SMG9: variants seen among roughly 807,000 people sequenced by gnomAD.
The protein encoded by SMG9 is SMG9 nonsense mediated mRNA decay factor, also known as nonsense-mediated mRNA decay factor SMG9.
SMG9 carries 55 observed loss-of-function variants against 64.0 expected under a neutral mutation model. That is an observed-to-expected ratio of 0.86 (90% CI 0.69 to 1.08). The LOEUF is 1.08. Among genes scored for constraint, SMG9 ranks in the 50% least tolerant of loss-of-function variants. SMG9 has a pLI of 0.00. For missense variants in SMG9, 554 were observed against 681.3 expected (o/e 0.81, Z 2.08); for synonymous variants, 244 against 254.8 (o/e 0.96, Z 0.41).
intron 5 of SMG9, among the ~76,000 whole-genome samples, chr19:43,747,207 G>T (rs1969040835): frequency 6.6e-6 from 1 of 152,202 alleles, no homozygotes; most frequent in Non-Finnish European, 1.5e-5. Flanking sequence ...TGGGGTGGTA[G>T]TGAGAGTACT....
intron 6 of SMG9, among the ~76,000 whole-genome samples, chr19:43,744,391 A>C (rs558344817): frequency 1.3e-5 from 2 of 152,338 alleles, no homozygotes; most frequent in African/African-American, 4.8e-5. Flanking sequence ...TTCTCCAAAA[A>C]TCTACCTGGA....
At position 43,731,428 on chromosome 19, in the gene SMG9, T is replaced by TG. The variant is rs1413506723; in HGVS notation, c.*167dup. 2.1e-6 allele frequency: 3 copies of TG among 1,432,112 alleles called. No individual in the cohort carries two copies. The highest frequency in any genetic ancestry group is 2.6e-5 in the East Asian group (1 of 38,486). 88.7% of individuals were successfully genotyped at this position (1,432,112 alleles called of 1,614,324 possible). A position where few individuals can be genotyped will look rare whatever the true frequency, so the allele number is the denominator to read the frequency against. ...CCCCCGGAACAGCCCCAACTGAGGG[T>TG]GGGGGGCCTGGCCCTGGACACCTCA... On this transcript the variant is annotated 3_prime_UTR_variant, in exon 14 of 14. Coordinates refer to ENST00000270066, the MANE Select transcript of SMG9 (RefSeq NM_019108.4).
Position 43,747,428 on chromosome 19 carries a change from G to A in SMG9, c.588+14C>T. Reference sequence around the variant, plus strand: ...GATGTGCGGAAGCTCAGGCAGGGCAGGACCCCTCGGTACCTCGATGGCACT... The same window carrying A: ...GATGTGCGGAAGCTCAGGCAGGGCAAGACCCCTCGGTACCTCGATGGCACT... On this transcript the variant is annotated intron_variant, in intron 5 of 13. Coordinates refer to ENST00000270066, the MANE Select transcript of SMG9 (RefSeq NM_019108.4). 6.2e-7 allele frequency: 1 copy of A among 1,611,094 alleles called. No homozygotes were observed. Among genetic ancestry groups the A allele is most frequent in the Non-Finnish European group, 8.5e-7 (1 of 1,179,372 alleles).
chr19:43,751,142 CTTTT>C (rs1298566615), intron 1 of SMG9, among the ~76,000 whole-genome samples: 1 of 151,282 alleles, frequency 6.6e-6, no homozygotes, highest in Non-Finnish European at 1.5e-5. Context: ...TTCCTTTCTT[CTTTT>C]TTTTGAGACA....
At chr19:43,733,495 G>T (rs1968552864) in intron 11 of SMG9, 43 bp from the exon 12 acceptor site, 1 of 1,612,958 alleles carries the variant, frequency 6.2e-7, no homozygotes, top group Non-Finnish European at 8.5e-7. Context: ...CATGTTGTGG[G>T]TTTGGGGAGT....
chr19:43,734,785 A>G, intron 9 of SMG9: 1 of 282,896 alleles, frequency 3.5e-6, no homozygotes, highest in Non-Finnish European at 6.7e-6. Context: ...GAAAGCACGT[A>G]GCGTTCCCAC....
intron 1 of SMG9, among the ~76,000 whole-genome samples, chr19:43,752,370 G>A (rs1365407989): frequency 6.6e-6 from 1 of 152,234 alleles, no homozygotes; most frequent in Non-Finnish European, 1.5e-5. Flanking sequence ...TTAACTGTTT[G>A]TAGAACTCAG....
Position 43,733,993 on chromosome 19 carries a change from G to A in SMG9, c.1103-260C>T, listed in dbSNP as rs984802110. The A allele has an allele frequency of 3.4e-5, 19 of 566,322 alleles. No homozygotes were observed. The African/African-American group carries it at 3.4e-4, about 10-fold the overall frequency. 35.1% of individuals were successfully genotyped at this position (566,322 alleles called of 1,614,324 possible). ...AAATGAACTGGGTCTTTGAAGAAGA[G>A]TAGAGCGGAGAAAGGATGAAACAGG... On this transcript the variant is annotated intron_variant, in intron 10 of 13. Coordinates refer to ENST00000270066, the MANE Select transcript of SMG9 (RefSeq NM_019108.4).
In SMG9 at chr19:43,734,797, C is replaced by A. The variant is rs531580888; in HGVS notation, c.996-302G>T. 2.7e-5 allele frequency: 7 copies of A among 258,990 alleles called. No individual in the cohort carries two copies. The South Asian group carries it at 5.5e-4, about 20-fold the overall frequency. The allele number at this position is 258,990 out of a possible 1,614,324, so 16.0% of individuals were successfully genotyped here. ...GCAGAAAGCACGTAGCGTTCCCACA[C>A]AACCCCTGCACATGCACAGCCTCCC... is the stretch of plus-strand genomic sequence containing the variant. On this transcript the variant is annotated intron_variant, in intron 9 of 13. Transcript: ENST00000270066.
chr19:43,737,852 G>C lies in SMG9; in HGVS notation c.910-170C>G, dbSNP rs1166604702. ...TCCCTTACAGGCCATCCCTAACTCA[G>C]GAAAGGTGGGAATTATCACCCCCAT... On this transcript the variant is annotated intron_variant, in intron 8 of 13. Transcript: ENST00000270066. 3 of 677,326 alleles carry C rather than the reference G, an allele frequency of 4.4e-6. No homozygotes were observed. In the African/African-American group the frequency reaches 5.4e-5, roughly 12 times the overall value. The allele number at this position is 677,326 out of a possible 1,614,324, so 42.0% of individuals were successfully genotyped here. A position where few individuals can be genotyped will look rare whatever the true frequency, so the allele number is the denominator to read the frequency against.
Position 43,731,376 on chromosome 19 carries a change from G to A in SMG9, c.*220C>T, listed in dbSNP as rs936611747. On this transcript the variant is annotated 3_prime_UTR_variant, in exon 14 of 14. Coordinates refer to ENST00000270066, the MANE Select transcript of SMG9 (RefSeq NM_019108.4). ...ACACAGGACGGGCTACCCCATCTCAGGTTTGGGGTGGGATCGCTCACAGTC... is the reference window on the plus strand; with the variant it reads ...ACACAGGACGGGCTACCCCATCTCAAGTTTGGGGTGGGATCGCTCACAGTC... 4 of 1,368,196 alleles carry A rather than the reference G, an allele frequency of 2.9e-6. No individual in the cohort carries two copies. In the Admixed American group the frequency reaches 1.3e-4, roughly 45 times the overall value. 84.8% of individuals were successfully genotyped at this position (1,368,196 alleles called of 1,614,324 possible).
chr19:43,749,137 C>T (rs1054939212), intron 2 of SMG9, among the ~76,000 whole-genome samples: 7 of 152,080 alleles, frequency 4.6e-5, no homozygotes, highest in Non-Finnish European at 8.8e-5. Context: ...TGGAGCACTT[C>T]GGATATTCAG....
chr19:43,733,596 T>C (rs2146359910), intron 11 of SMG9, 30 bp downstream of exon 11: 1 of 1,611,348 alleles, frequency 6.2e-7, no homozygotes. Flanking sequence ...GGAGGCTGAC[T>C]AGCTTGGGGG....
chr19:43,737,861 G>A, intron 8 of SMG9, 179 bp from the exon 9 acceptor site: 1 of 668,088 alleles, frequency 1.5e-6, no homozygotes, highest in East Asian at 2.7e-5. Context: ...AGGAAAGGTG[G>A]GAATTATCAC....
At position 43,731,186 on chromosome 19, in the gene SMG9, C is replaced by A; in HGVS notation, c.*410G>T. 1 of 1,006,532 alleles carries A rather than the reference C, an allele frequency of 9.9e-7. No homozygotes were observed. Among genetic ancestry groups the A allele is most frequent in the Non-Finnish European group, 1.2e-6 (1 of 843,654 alleles). 62.4% of individuals were successfully genotyped at this position (1,006,532 alleles called of 1,614,324 possible). A position where few individuals can be genotyped will look rare whatever the true frequency, so the allele number is the denominator to read the frequency against. On this transcript the variant is annotated 3_prime_UTR_variant, in exon 14 of 14. Coordinates refer to ENST00000270066, the MANE Select transcript of SMG9 (RefSeq NM_019108.4). ...ACTGTGTTTATTTGAACCACCAGAT[C>A]TGTTCCAATAAAGAGCTCTCCAGAC...
In SMG9 at chr19:43,733,667, A is replaced by T; in HGVS notation, c.1169T>A (p.Met390Lys). Residue 390 changes from methionine (M) to lysine (K), a missense_variant, in exon 11 of 14, where the codon ATG becomes AAG. Coordinates refer to ENST00000270066, the MANE Select transcript of SMG9 (RefSeq NM_019108.4). The stretch of plus-strand genomic sequence containing the variant: ...GGAGTGGGCCATGAGCTGGTCAATC[A>T]TCAGGTGCATCTGCCGCAGCTTCCG... The part of the protein sequence containing the change: ...CPRKLRQMHL[M>K]IDQLMAHSHL... 1.2e-6 allele frequency: 2 copies of T among 1,614,120 alleles called. No homozygotes were observed. The highest frequency in any genetic ancestry group is 1.7e-6 in the Non-Finnish European group (2 of 1,180,016).
Position 43,747,524 on chromosome 19 carries a change from G to C in SMG9, c.506C>G (p.Ala169Gly), listed in dbSNP as rs1394444809. Reference protein sequence around the residue: ...PAAMDPVVGQAKLLPPERMKH... With the variant: ...PAAMDPVVGQGKLLPPERMKH... The stretch of plus-strand genomic sequence containing the variant: ...CATGCGCTCTGGGGGCAGTAGTTTG[G>C]CCTGACCCACGACAGCTGGAGATTG... Residue 169 changes from alanine (A) to glycine (G), a missense_variant, in exon 5 of 14, where the codon GCC becomes GGC. Physicochemically the swap from Ala to Gly is moderately conservative, Grantham distance 60. Transcript: ENST00000270066. 1 of 1,614,042 alleles carries C rather than the reference G, an allele frequency of 6.2e-7. No homozygotes were observed. Among genetic ancestry groups the C allele is most frequent in the African/African-American group, 1.3e-5 (1 of 74,924 alleles).
At chr19:43,751,264 G>A (rs1969185326) in intron 1 of SMG9, among the ~76,000 whole-genome samples, 1 of 151,786 alleles carries the variant, frequency 6.6e-6, no homozygotes, top group Non-Finnish European at 1.5e-5. Flanking sequence ...CTCCTGAGAA[G>A]CTGGGATTAC....
At chr19:43,747,353 C>A in intron 5 of SMG9, 89 bp downstream of exon 5, 1 of 1,353,746 alleles carries the variant, frequency 7.4e-7, no homozygotes, top group Non-Finnish European at 1.0e-6. Flanking sequence ...TGCCTCAAAA[C>A]CCTCCAGTCT....
Sources: gnomAD v4.1 joint callset for allele counts (sites outside exome capture counted in the v4.1 genomes callset) on GRCh38, gnomAD v4.1.1 for gene constraint, MANE v1.5 for transcripts, NCBI Gene and HGNC (gene_info 2026-07-23, HGNC 2026-07-21) for gene names.